The following KIAA0825 variants were observed in gnomAD, a reference collection of about 807,000 sequenced individuals.
KIAA0825 encodes the protein KIAA0825.
KIAA0825 carries 119 observed loss-of-function variants against 147.6 expected under a neutral mutation model. That is an observed-to-expected ratio of 0.81 (90% CI 0.69 to 0.94). The LOEUF is 0.94. KIAA0825 is among the 40% of genes least tolerant of loss of function. The pLI is 0.00. For synonymous variants in KIAA0825, 470 were observed against 518.1 expected, an observed-to-expected ratio of 0.91 and a Z score of 1.26; for missense variants, 1,381 against 1,472.7, an observed-to-expected ratio of 0.94 and a Z score of 1.02.
At chr5:94,260,193 A>T (rs1217328934) in intron 20 of KIAA0825, among the ~76,000 whole-genome samples, 1 of 152,258 alleles carries the variant, frequency 6.6e-6, no homozygotes, top group South Asian at 2.1e-4. Flanking sequence ...CAGGTTTGCA[A>T]TAGAATTACA....
intron 7 of KIAA0825, among the ~76,000 whole-genome samples, chr5:94,474,224 C>T (rs957804711): frequency 1.3e-5 from 2 of 152,078 alleles, no homozygotes; most frequent in African/African-American, 2.4e-5. Flanking sequence ...AGTTGAGGGG[C>T]TGATGTTTTC....
chr5:94,339,381 T>G (rs1782128721), intron 20 of KIAA0825, among the ~76,000 whole-genome samples: 1 of 152,232 alleles, frequency 6.6e-6, no homozygotes, highest in Non-Finnish European at 1.5e-5. Flanking sequence ...ATTTGTGATT[T>G]AATAAGACTT....
chr5:94,393,235 A>G (rs1349066261), intron 17 of KIAA0825, among the ~76,000 whole-genome samples: 2 of 152,228 alleles, frequency 1.3e-5, no homozygotes, highest in African/African-American at 4.8e-5. Context: ...GCCAAGGAAT[A>G]ACTGCATTAA....
intron 20 of KIAA0825, among the ~76,000 whole-genome samples, chr5:94,274,895 C>T (rs1178022273): frequency 1.3e-5 from 2 of 152,080 alleles, no homozygotes; most frequent in Admixed American, 6.6e-5. Flanking sequence ...GCTTGTGTCA[C>T]GTGACCATTT....
chr5:94,422,260 T>C (rs116641943), intron 14 of KIAA0825, among the ~76,000 whole-genome samples: 1,992 of 152,288 alleles, frequency 0.013, 59 homozygotes, highest in African/African-American at 0.046. Flanking sequence ...AGGTGCCCTC[T>C]ATATAGCTGG....
At chr5:94,608,024 A>G (rs1024284000) in intron 1 of KIAA0825, among the ~76,000 whole-genome samples, 1 of 152,208 alleles carries the variant, frequency 6.6e-6, no homozygotes, top group Non-Finnish European at 1.5e-5. Flanking sequence ...TAATCTCACT[A>G]TATTAAGGTA....
intron 20 of KIAA0825, among the ~76,000 whole-genome samples, chr5:94,290,373 G>C (rs1337516109): frequency 6.6e-6 from 1 of 152,140 alleles, no homozygotes; most frequent in African/African-American, 2.4e-5. Context: ...TTATGAGTGA[G>C]AACATGCAGT....
At chr5:94,250,832 T>TA (rs1156473822) in intron 20 of KIAA0825, among the ~76,000 whole-genome samples, 15 of 152,136 alleles carry the variant, frequency 9.9e-5, no homozygotes. Flanking sequence ...TCCAATGAGA[T>TA]ATGCAATGCA....
rs769415442 is a variant in KIAA0825, at chr5:94,524,041, C to T, written c.189G>A (p.Val63=). The change falls in exon 4 of 21, where the codon GTG becomes GTA. Residue 63 remains valine, a synonymous_variant. Coordinates refer to ENST00000682413, the MANE Select transcript of KIAA0825 (RefSeq NM_001145678.3). ...AGCAGTCAGTTGTTGTTTGCAGCTG[C>T]ACACCTGGACATTGTTTGTTAATTT... The part of the protein sequence containing the change: ...QSEINKQCPG[V]QLQTTTDCFE... 26 of 1,609,678 alleles carry T rather than the reference C, an allele frequency of 1.6e-5. No homozygotes were observed. Among genetic ancestry groups the T allele is most frequent in the African/African-American group, 2.7e-5 (2 of 74,686 alleles).
rs919787601 is a variant in KIAA0825, at chr5:94,477,184, C to G, written c.1154G>C (p.Arg385Thr). 7 of 1,549,492 alleles carry G rather than the reference C, an allele frequency of 4.5e-6. No homozygotes were observed. The African/African-American group carries it at 9.7e-5, about 21-fold the overall frequency. The change falls in exon 7 of 21, where the codon AGA (arginine) becomes ACA (threonine). Residue 385 changes from arginine to threonine, a missense_variant. Physicochemically the swap from Arg to Thr is moderately conservative, Grantham distance 71. Coordinates refer to ENST00000682413, the MANE Select transcript of KIAA0825 (RefSeq NM_001145678.3). ...TCTAGGTTTTTCCATTACAACCTCT[C>G]TATCGGATTTCTCCAAAATTCCTAA... The part of the protein sequence containing the change: ...DTSGILEKSD[R>T]EVVMEKPRAN...
At chr5:94,583,370 G>A (rs1315098613) in intron 1 of KIAA0825, among the ~76,000 whole-genome samples, 1 of 152,214 alleles carries the variant, frequency 6.6e-6, no homozygotes, top group Admixed American at 6.5e-5. Context: ...GTCTGGCTTG[G>A]TGGGCCCCAC....
rs569908031 is a variant in KIAA0825, at chr5:94,540,873, G to A, written c.-1-3746C>T. Among the ~76,000 whole-genome samples, 6 of 152,168 alleles carry A rather than the reference G, an allele frequency of 3.9e-5. No individual in the cohort carries two copies. In the South Asian group the frequency reaches 1.0e-3, roughly 26 times the overall value. On this transcript the variant is annotated intron_variant, in intron 2 of 20. Transcript: ENST00000682413. ...AGCATTAGACTCTAGATAAGGCCTG[G>A]GGATACGTGAAATCAACCATGACCC...
intron 20 of KIAA0825, among the ~76,000 whole-genome samples, chr5:94,284,489 A>T (rs1008311216): frequency 5.3e-5 from 8 of 152,098 alleles, no homozygotes; most frequent in Non-Finnish European, 1.2e-4. Flanking sequence ...CCTGCAGACA[A>T]GTTACAAGTT....
At chr5:94,289,257 C>T (rs561068680) in intron 20 of KIAA0825, among the ~76,000 whole-genome samples, 4 of 152,136 alleles carry the variant, frequency 2.6e-5, no homozygotes, top group African/African-American at 4.8e-5. Flanking sequence ...GTAAACTGGC[C>T]GGGAGTGGTG....
At chr5:94,471,842 A>G (rs1490108882) in intron 8 of KIAA0825, 111 bp from the exon 9 acceptor site, 8 of 927,690 alleles carry the variant, frequency 8.6e-6, no homozygotes, top group Non-Finnish European at 1.1e-5. Flanking sequence ...AAACATAAAT[A>G]TAATGACGCA....
chr5:94,187,625 C>T (rs2149992794), intron 20 of KIAA0825, among the ~76,000 whole-genome samples: 1 of 151,986 alleles, frequency 6.6e-6, no homozygotes, highest in African/African-American at 2.4e-5. Context: ...CGGGGTTTCT[C>T]CGTGTTAGCC....
chr5:94,604,588 CAAAAAA>C (rs1787138742), intron 1 of KIAA0825, among the ~76,000 whole-genome samples: 1 of 149,700 alleles, frequency 6.7e-6, no homozygotes, highest in African/African-American at 2.5e-5. Context: ...AACAAACAAA[CAAAAAA>C]CACTCAAAAA....
chr5:94,484,293 T>C (rs996023268), intron 6 of KIAA0825, among the ~76,000 whole-genome samples: 2 of 151,784 alleles, frequency 1.3e-5, no homozygotes, highest in African/African-American at 4.8e-5. Flanking sequence ...TATAACATTA[T>C]AACATATCGA....
chr5:94,472,520 C>A (rs1049055539), intron 8 of KIAA0825, among the ~76,000 whole-genome samples: 4 of 152,046 alleles, frequency 2.6e-5, no homozygotes, highest in African/African-American at 9.7e-5. Flanking sequence ...CTGAGGCGGG[C>A]GGATCACAAG....
Sources: allele counts gnomAD v4.1 joint callset (sites outside exome capture counted in the v4.1 genomes callset), GRCh38; gene constraint gnomAD v4.1.1; transcripts MANE v1.5; gene names NCBI Gene and HGNC (gene_info 2026-07-23, HGNC 2026-07-21).